NRXN1: variants seen among roughly 807,000 people sequenced by gnomAD.
NRXN1 encodes neurexin-1.
A neutral mutation model predicts 150.9 loss-of-function variants in NRXN1; 39 were observed. That is an observed-to-expected ratio of 0.26 (90% CI 0.20 to 0.34). The LOEUF (loss-of-function observed/expected upper bound fraction) is 0.34. NRXN1 is among the 10% of genes least tolerant of loss of function. NRXN1 has a pLI of 1.00. For missense variants in NRXN1, 1,815 were observed against 1,949.9 expected (o/e 0.93, Z 1.30); for synonymous variants, 924 against 757.0 (o/e 1.22, Z -3.62).
intron 17 of NRXN1, among the ~76,000 whole-genome samples, chr2:50,321,202 C>A (rs561460566): frequency 6.6e-6 from 1 of 152,240 alleles, no homozygotes; most frequent in African/African-American, 2.4e-5. Context: ...TGCAGAAAAA[C>A]CAGACTAAGT....
intron 17 of NRXN1, among the ~76,000 whole-genome samples, chr2:50,379,447 C>A (rs116806352): frequency 0.014 from 2,085 of 152,236 alleles, 34 homozygotes; most frequent in African/African-American, 0.047. Flanking sequence ...CATTTTCTAC[C>A]TCCCTGAGAA....
chr2:50,228,200 T>G (rs1325460283), intron 18 of NRXN1, among the ~76,000 whole-genome samples: 1 of 152,100 alleles, frequency 6.6e-6, no homozygotes. Context: ...ATTAAAATGA[T>G]AATATTCTGG....
chr2:50,445,617 G>A (rs904511564), intron 17 of NRXN1, among the ~76,000 whole-genome samples: 1 of 152,196 alleles, frequency 6.6e-6, no homozygotes, highest in African/African-American at 2.4e-5. Context: ...TGTATCCTTA[G>A]TGTATTAGGA....
chr2:50,131,721 T>TA (rs1705521234), intron 18 of NRXN1, among the ~76,000 whole-genome samples: 2 of 152,180 alleles, frequency 1.3e-5, no homozygotes, highest in South Asian at 4.1e-4. Context: ...TGGGCTGTTT[T>TA]AAAGGCTAGA....
intron 17 of NRXN1, among the ~76,000 whole-genome samples, chr2:50,275,497 G>C (rs1459958258): frequency 6.6e-6 from 1 of 150,762 alleles, no homozygotes; most frequent in African/African-American, 2.4e-5. Context: ...TAAAGTTTCA[G>C]ACAGAAAAAA....
chr2:50,121,031 T>C (rs1703781549), intron 18 of NRXN1, among the ~76,000 whole-genome samples: 1 of 152,224 alleles, frequency 6.6e-6, no homozygotes, highest in African/African-American at 2.4e-5. Flanking sequence ...TCTGTTTTTT[T>C]GTTTATTTTT....
rs540882374 is a variant in NRXN1, at chr2:50,727,203, G to T, written c.833-103588C>A. Among the ~76,000 whole-genome samples the T allele has an allele frequency of 3.9e-5, 6 of 152,164 alleles. No individual in the cohort carries two copies. In the East Asian group the frequency reaches 1.2e-3, roughly 29 times the overall value. ...ACTTAAAGAGATATAATTCCTTATT[G>T]GATTATATTTAATTTTTTTTCCAAA... On this transcript the variant is annotated intron_variant, in intron 5 of 22. Coordinates refer to ENST00000401669, the MANE Select transcript of NRXN1 (RefSeq NM_001330078.2).
At chr2:50,858,641 T>A (rs746212146) in intron 5 of NRXN1, among the ~76,000 whole-genome samples, 9 of 152,154 alleles carry the variant, frequency 5.9e-5, no homozygotes, top group Non-Finnish European at 8.8e-5. Context: ...ATCATTCTAT[T>A]ATAACTTCAG....
At chr2:50,016,123 A>C (rs1686546905) in intron 21 of NRXN1, among the ~76,000 whole-genome samples, 1 of 152,112 alleles carries the variant, frequency 6.6e-6, no homozygotes, top group Non-Finnish European at 1.5e-5. Context: ...CATGGACTAA[A>C]GGTAAAGAGT....
chr2:49,940,069 A>G (rs1197165800), intron 22 of NRXN1, among the ~76,000 whole-genome samples: 1 of 152,176 alleles, frequency 6.6e-6, no homozygotes, highest in Non-Finnish European at 1.5e-5. Context: ...AATAAGGAAC[A>G]TAGGACATTT....
At chr2:50,561,943 A>G (rs914169803) in intron 8 of NRXN1, among the ~76,000 whole-genome samples, 1 of 152,204 alleles carries the variant, frequency 6.6e-6, no homozygotes, top group African/African-American at 2.4e-5. Context: ...CTTGGGGTTA[A>G]GAGTTTCTAC....
At chr2:50,840,573 C>T (rs1365645385) in intron 5 of NRXN1, among the ~76,000 whole-genome samples, 2 of 152,104 alleles carry the variant, frequency 1.3e-5, no homozygotes, top group African/African-American at 2.4e-5. Context: ...TACGTACTTA[C>T]TATGCCCCTC....
intron 21 of NRXN1, chr2:50,023,180 C>A (rs555836245): frequency 2.0e-5 from 3 of 152,326 alleles, no homozygotes; most frequent in South Asian, 4.1e-4. Context: ...CCAAGTGTTT[C>A]TCTCATTCTT....
chr2:50,027,264 C>A (rs1220508362), intron 21 of NRXN1, among the ~76,000 whole-genome samples: 1 of 151,036 alleles, frequency 6.6e-6, no homozygotes, highest in Non-Finnish European at 1.5e-5. Context: ...TCCTTCTTTC[C>A]TTCCTTCCTT....
intron 22 of NRXN1, among the ~76,000 whole-genome samples, chr2:49,927,667 G>A (rs1373457274): frequency 6.6e-6 from 1 of 152,092 alleles, no homozygotes; most frequent in African/African-American, 2.4e-5. Context: ...CTATGTTTTT[G>A]CAACTCTGCA....
chr2:49,930,151 C>T lies in NRXN1; in HGVS notation c.4217-7900G>A, dbSNP rs555367688. Among the ~76,000 whole-genome samples, 18 of 152,170 alleles carry T rather than the reference C, an allele frequency of 1.2e-4. No homozygotes were observed. The South Asian group carries it at 3.3e-3, about 28-fold the overall frequency. On this transcript the variant is annotated intron_variant, in intron 22 of 22. Coordinates refer to ENST00000401669, the MANE Select transcript of NRXN1 (RefSeq NM_001330078.2). ...AACAACAGTTAGAGTGGTTGTAGCA[C>T]AGTGAGATTTAAGGGAGAGTGAGAA... is the stretch of plus-strand genomic sequence containing the variant.
intron 18 of NRXN1, among the ~76,000 whole-genome samples, chr2:50,221,126 T>C (rs1574572173): frequency 6.6e-6 from 1 of 152,046 alleles, no homozygotes; most frequent in Non-Finnish European, 1.5e-5. Flanking sequence ...CTCACCCAGT[T>C]ATTTTACTTT....
chr2:50,945,250 G>A (rs1486256392), intron 2 of NRXN1, among the ~76,000 whole-genome samples: 2 of 152,152 alleles, frequency 1.3e-5, no homozygotes, highest in African/African-American at 4.8e-5. Context: ...CAAGGCAGGA[G>A]GATCACTTGA....
At chr2:50,540,496 T>G (rs1024960099) in intron 9 of NRXN1, among the ~76,000 whole-genome samples, 1 of 152,142 alleles carries the variant, frequency 6.6e-6, no homozygotes, top group Non-Finnish European at 1.5e-5. Flanking sequence ...TCAAAATACC[T>G]AAGAAGCGAA....
Sources: gnomAD v4.1 joint callset for allele counts (sites outside exome capture counted in the v4.1 genomes callset) on GRCh38, gnomAD v4.1.1 for gene constraint, MANE v1.5 for transcripts, NCBI Gene and HGNC (gene_info 2026-07-23, HGNC 2026-07-21) for gene names.